Variants in CHN2 observed in about 807,000 individuals in gnomAD.
The protein encoded by CHN2 is chimerin 2, also known as beta-chimaerin.
In CHN2, 35 loss-of-function variants were observed where a neutral mutation model predicts 56.3. The observed-to-expected ratio is 0.62, with a 90% CI of 0.47 to 0.82. CHN2 has a LOEUF of 0.82. CHN2 is among the 40% of genes least tolerant of loss of function. The pLI is 0.00. For synonymous variants in CHN2, 210 were observed against 212.8 expected, an observed-to-expected ratio of 0.99 and a Z score of 0.12; for missense variants, 491 against 580.5, an observed-to-expected ratio of 0.85 and a Z score of 1.58.
rs1803952469 is a variant in CHN2, at chr7:29,418,056, A to G, written c.576+17228A>G. On this transcript the variant is annotated intron_variant, in intron 6 of 12. Transcript: ENST00000222792. ...GAAATCCATACAGTCTGCTGAGTCAAGTGGAGAGATGAAGGATTGCTGGAG... is the reference window on the plus strand; with the variant it reads ...GAAATCCATACAGTCTGCTGAGTCAGGTGGAGAGATGAAGGATTGCTGGAG... 4.6e-5 allele frequency among the ~76,000 whole-genome samples: 7 copies of G among 152,212 alleles called. No individual in the cohort carries two copies. The South Asian group carries it at 1.4e-3, about 31-fold the overall frequency.
intron 6 of CHN2, among the ~76,000 whole-genome samples, chr7:29,444,923 G>A (rs1411915317): frequency 6.6e-6 from 1 of 152,184 alleles, no homozygotes; most frequent in Non-Finnish European, 1.5e-5. Context: ...TACCTTTGAA[G>A]ACACTTTAGG....
chr7:29,255,425 C>T (rs150868787), intron 1 of CHN2, among the ~76,000 whole-genome samples: 65 of 152,226 alleles, frequency 4.3e-4, no homozygotes, highest in African/African-American at 1.4e-3. Flanking sequence ...AAGGAGGAGA[C>T]GGAACACCCT....
At chr7:29,346,772 C>T (rs1444805448) in intron 1 of CHN2, among the ~76,000 whole-genome samples, 1 of 152,178 alleles carries the variant, frequency 6.6e-6, no homozygotes, top group Admixed American at 6.5e-5. Flanking sequence ...GAATCTGGCT[C>T]TCCCAGATGT....
At chr7:29,261,772 GCA>G in intron 1 of CHN2, among the ~76,000 whole-genome samples, 1 of 152,310 alleles carries the variant, frequency 6.6e-6, no homozygotes, top group South Asian at 2.1e-4. Flanking sequence ...AAGGAAATCT[GCA>G]CAGTTTAGTG....
chr7:29,217,095 C>T (rs1343830497), intron 1 of CHN2, among the ~76,000 whole-genome samples: 1 of 152,110 alleles, frequency 6.6e-6, no homozygotes, highest in East Asian at 1.9e-4. Context: ...GCGAACTAAC[C>T]GTTTGTGGTC....
At chr7:29,327,962 A>T (rs1019163683) in intron 1 of CHN2, among the ~76,000 whole-genome samples, 8 of 152,220 alleles carry the variant, frequency 5.3e-5, no homozygotes, top group Admixed American at 5.2e-4. Context: ...TTCAGAGAAA[A>T]TAACCTCTCC....
At chr7:29,352,464 G>C (rs1417844834) in intron 1 of CHN2, among the ~76,000 whole-genome samples, 1 of 152,178 alleles carries the variant, frequency 6.6e-6, no homozygotes, top group African/African-American at 2.4e-5. Flanking sequence ...GCTCATGCCT[G>C]TAATCCCAGC....
intron 2 of CHN2, among the ~76,000 whole-genome samples, chr7:29,154,323 C>T (rs772708817): frequency 2.0e-4 from 30 of 152,126 alleles, no homozygotes; most frequent in African/African-American, 4.6e-4. Flanking sequence ...CATTCGTATG[C>T]AGTGAATCAG....
intron 2 of CHN2, among the ~76,000 whole-genome samples, chr7:29,153,995 C>T (rs990752219): frequency 6.6e-6 from 1 of 152,142 alleles, no homozygotes; most frequent in African/African-American, 2.4e-5. Context: ...TTCTGGTCAA[C>T]AGTAGGCTAT....
chr7:29,298,524 G>A (rs912511206), intron 1 of CHN2, among the ~76,000 whole-genome samples: 1 of 152,184 alleles, frequency 6.6e-6, no homozygotes, highest in Admixed American at 6.5e-5. Context: ...CTACAGTAAT[G>A]CTTGCTGAGA....
intron 2 of CHN2, among the ~76,000 whole-genome samples, chr7:29,158,173 A>G (rs1312625198): frequency 6.6e-6 from 1 of 152,222 alleles, no homozygotes; most frequent in Non-Finnish European, 1.5e-5. Flanking sequence ...AGAGTTGAGT[A>G]TATTAAGAAG....
chr7:29,172,550 G>A (rs997529554), intron 2 of CHN2, among the ~76,000 whole-genome samples: 1 of 152,114 alleles, frequency 6.6e-6, no homozygotes, highest in African/African-American at 2.4e-5. Flanking sequence ...GTTGGGAAAT[G>A]AATTTTAAAT....
chr7:29,325,085 A>G (rs1230706388), intron 1 of CHN2, among the ~76,000 whole-genome samples: 1 of 152,064 alleles, frequency 6.6e-6, no homozygotes, highest in African/African-American at 2.4e-5. Context: ...GACTCCCTTT[A>G]CAGTCTATCC....
At chr7:29,210,963 C>T (rs1321090460) in intron 1 of CHN2, among the ~76,000 whole-genome samples, 2 of 152,116 alleles carry the variant, frequency 1.3e-5, no homozygotes, top group African/African-American at 4.8e-5. Flanking sequence ...CATGGAGGGC[C>T]TCGTAGGCCG....
chr7:29,477,511 G>T (rs919488299), intron 6 of CHN2, among the ~76,000 whole-genome samples: 6 of 152,194 alleles, frequency 3.9e-5, no homozygotes, highest in African/African-American at 1.2e-4. Context: ...CCACATCACA[G>T]AATTTGCCCT....
At position 29,293,857 on chromosome 7, in the gene CHN2, A is replaced by ATTTTTTTTTT. The variant is rs70980522; in HGVS notation, c.50-60750_50-60741dup. The stretch of plus-strand genomic sequence containing the variant: ...GCATATAAGCTCCACGAGGCTGGGA[A>ATTTTTTTTTT]TTTTTTTTTTTTTTTTTTTTTTTTT... On this transcript the variant is annotated intron_variant, in intron 1 of 12. Coordinates refer to ENST00000222792, the MANE Select transcript of CHN2 (RefSeq NM_004067.4). Among the ~76,000 whole-genome samples the ATTTTTTTTTT allele has an allele frequency of 1.4e-4, 11 of 78,496 alleles. 1 individual carries two copies. Among genetic ancestry groups the ATTTTTTTTTT allele is most frequent in the African/African-American group, 5.0e-4 (10 of 19,870 alleles). The allele number at this position is 78,496 out of a possible 152,430, so 51.5% of individuals were successfully genotyped here. A position where few individuals can be genotyped will look rare whatever the true frequency, so the allele number is the denominator to read the frequency against.
intron 1 of CHN2, among the ~76,000 whole-genome samples, chr7:29,324,494 A>G (rs1795644592): frequency 6.6e-6 from 1 of 152,128 alleles, no homozygotes; most frequent in Admixed American, 6.5e-5. Context: ...TTTCTCACTG[A>G]TAGAATTTTT....
intron 1 of CHN2, among the ~76,000 whole-genome samples, chr7:29,349,106 A>G (rs776774761): frequency 6.6e-6 from 1 of 152,204 alleles, no homozygotes; most frequent in African/African-American, 2.4e-5. Context: ...GCATGAGACT[A>G]CACATTGTAT....
At chr7:29,371,307 G>T (rs1799592809) in intron 3 of CHN2, among the ~76,000 whole-genome samples, 2 of 152,204 alleles carry the variant, frequency 1.3e-5, no homozygotes, top group Admixed American at 1.3e-4. Context: ...GGTACAAGCA[G>T]CTGAACAACA....
Sources: gnomAD v4.1 joint callset for allele counts (sites outside exome capture counted in the v4.1 genomes callset) on GRCh38, gnomAD v4.1.1 for gene constraint, MANE v1.5 for transcripts, NCBI Gene and HGNC (gene_info 2026-07-23, HGNC 2026-07-21) for gene names.